The following RARB variants were observed in gnomAD, a reference collection of about 807,000 sequenced individuals.
RARB encodes the protein retinoic acid receptor beta.
In RARB, 17 loss-of-function variants were observed where a neutral mutation model predicts 51.9. That is an observed-to-expected ratio of 0.33 (90% CI 0.22 to 0.49). RARB has a LOEUF of 0.49. Ranked by LOEUF, RARB falls within the 20% of genes least tolerant of loss-of-function variation. The pLI is 0.99. For synonymous variants in RARB, 215 were observed against 195.4 expected (o/e 1.10, Z -0.84); for missense variants, 369 against 550.8 (o/e 0.67, Z 3.30).
chr3:24,995,451 C>T (rs969102214), intron 2 of RARB, among the ~76,000 whole-genome samples: 1 of 152,038 alleles, frequency 6.6e-6, no homozygotes, highest in African/African-American at 2.4e-5. Context: ...AGTTTGGATG[C>T]CCTTCATTTC....
At chr3:25,178,807 A>G (rs1028775367) in intron 5 of RARB, among the ~76,000 whole-genome samples, 5 of 152,178 alleles carry the variant, frequency 3.3e-5, no homozygotes, top group Admixed American at 3.3e-4. Context: ...CTGATATGCT[A>G]TGCCAGGGAA....
chr3:24,931,402 T>TC (rs1695437229), intron 2 of RARB, among the ~76,000 whole-genome samples: 2 of 152,014 alleles, frequency 1.3e-5, no homozygotes, highest in African/African-American at 4.8e-5. Context: ...GTACTTCCCC[T>TC]TTAGCTAGGG....
intron 2 of RARB, among the ~76,000 whole-genome samples, chr3:24,979,390 C>G (rs1255434644): frequency 6.6e-6 from 1 of 152,120 alleles, no homozygotes; most frequent in African/African-American, 2.4e-5. Context: ...TTATAGGTCT[C>G]TAAGGACTTG....
intron 1 of RARB, among the ~76,000 whole-genome samples, chr3:24,840,318 T>C (rs1702403510): frequency 6.6e-6 from 1 of 152,186 alleles, no homozygotes; most frequent in South Asian, 2.1e-4. Flanking sequence ...ACTTATTAAA[T>C]GGAGCTGTGA....
At chr3:25,286,651 T>A (rs1202480167) in intron 5 of RARB, among the ~76,000 whole-genome samples, 1 of 152,224 alleles carries the variant, frequency 6.6e-6, no homozygotes, top group South Asian at 2.1e-4. Context: ...TCCAAAATTA[T>A]TTTTCTTTAT....
intron 2 of RARB, among the ~76,000 whole-genome samples, chr3:25,484,374 A>G (rs1696367916): frequency 6.6e-6 from 1 of 152,064 alleles, no homozygotes; most frequent in Non-Finnish European, 1.5e-5. Context: ...CGTGATGTTG[A>G]TAATTAGGGT....
intron 3 of RARB, among the ~76,000 whole-genome samples, chr3:25,106,454 T>C (rs55870533): frequency 4.8e-4 from 43 of 89,892 alleles, no homozygotes; most frequent in African/African-American, 1.8e-3. Flanking sequence ...GTTTTTTGTT[T>C]TTTGTTTTTT....
intron 2 of RARB, among the ~76,000 whole-genome samples, chr3:25,010,713 G>A (rs766665067): frequency 1.3e-5 from 2 of 152,112 alleles, no homozygotes; most frequent in African/African-American, 2.4e-5. Context: ...TGCTTAGGAA[G>A]GTTTTGTGAT....
chr3:24,879,674 A>C (rs138020469), intron 2 of RARB, among the ~76,000 whole-genome samples: 3,537 of 152,104 alleles, frequency 0.023, 78 homozygotes, highest in Middle Eastern at 0.065. Context: ...AAAAAACCGA[A>C]TCACTTTACA....
At chr3:25,246,844 G>T (rs1702573477) in intron 5 of RARB, among the ~76,000 whole-genome samples, 1 of 152,194 alleles carries the variant, frequency 6.6e-6, no homozygotes, top group Non-Finnish European at 1.5e-5. Flanking sequence ...CAGAGCTCAA[G>T]CCCTGTGCTG....
chr3:24,849,178 T>A (rs1170962942), intron 1 of RARB, among the ~76,000 whole-genome samples: 2 of 152,178 alleles, frequency 1.3e-5, no homozygotes, highest in Non-Finnish European at 2.9e-5. Context: ...AGTAAGAGAT[T>A]AATAAAAATA....
chr3:25,539,651 T>A (rs928544343), intron 3 of RARB, among the ~76,000 whole-genome samples: 1 of 151,110 alleles, frequency 6.6e-6, no homozygotes. Flanking sequence ...TTAGTCAATG[T>A]CCATCCTAAA....
intron 4 of RARB, among the ~76,000 whole-genome samples, chr3:25,145,519 T>C (rs1432824104): frequency 2.0e-5 from 3 of 151,906 alleles, no homozygotes; most frequent in Non-Finnish European, 4.4e-5. Flanking sequence ...GAAAAAGAAA[T>C]TGTACAGTTC....
intron 2 of RARB, among the ~76,000 whole-genome samples, chr3:24,931,619 G>C (rs1317537420): frequency 1.3e-5 from 2 of 152,088 alleles, no homozygotes; most frequent in East Asian, 1.9e-4. Flanking sequence ...TGGTACAGCA[G>C]ACTGATAGGT....
chr3:25,333,502 C>A (rs1476882783), intron 5 of RARB, among the ~76,000 whole-genome samples: 4 of 152,030 alleles, frequency 2.6e-5, no homozygotes, highest in Non-Finnish European at 5.9e-5. Context: ...GGATCCCTTC[C>A]TTACACCTTA....
intron 3 of RARB, among the ~76,000 whole-genome samples, chr3:25,531,276 A>G (rs1245219297): frequency 1.3e-5 from 2 of 152,170 alleles, no homozygotes; most frequent in African/African-American, 4.8e-5. Context: ...AAGAAAGCCC[A>G]CAAGCAAAGA....
chr3:25,084,185 C>T lies in RARB; in HGVS notation c.-328+24009C>T, dbSNP rs533201646. Among the ~76,000 whole-genome samples, 25 of 152,244 alleles carry T rather than the reference C, an allele frequency of 1.6e-4. No individual in the cohort carries two copies. In the South Asian group the frequency reaches 4.6e-3, roughly 28 times the overall value. ...AGCAGTTCCGTGTTCCAGTTGACTC[C>T]TCCTCTTCTCAGGGAATCTGCTGCT... On this transcript the variant is annotated intron_variant, in intron 3 of 11. Transcript: ENST00000383772.
chr3:25,193,523 AC>A (rs1263757445), intron 5 of RARB, among the ~76,000 whole-genome samples: 1 of 152,066 alleles, frequency 6.6e-6, no homozygotes, highest in Non-Finnish European at 1.5e-5. Flanking sequence ...AATTAGCTCA[AC>A]TGTAATTGCT....
chr3:25,435,722 A>C (rs1708406310), intron 1 of RARB, among the ~76,000 whole-genome samples: 1 of 152,206 alleles, frequency 6.6e-6, no homozygotes, highest in Admixed American at 6.5e-5. Context: ...AAAGGCATAT[A>C]TTTTAATTAG....
Sources: gnomAD v4.1 joint callset for allele counts (sites outside exome capture counted in the v4.1 genomes callset) on GRCh38, gnomAD v4.1.1 for gene constraint, MANE v1.5 for transcripts, NCBI Gene and HGNC (gene_info 2026-07-23, HGNC 2026-07-21) for gene names.